The following WDR7 variants were observed in gnomAD, a reference collection of about 807,000 sequenced individuals.
The protein encoded by WDR7 is WD repeat-containing protein 7.
WDR7 carries 46 observed loss-of-function variants against 169.4 expected under a neutral mutation model. The ratio of observed to expected loss-of-function variants is 0.27; its 90% CI spans 0.21 to 0.35. The LOEUF (loss-of-function observed/expected upper bound fraction) is 0.35. Ranked by LOEUF, WDR7 falls within the 10% of genes least tolerant of loss-of-function variation. The probability of loss-of-function intolerance (pLI) is 1.00; values close to 1 mark genes in which losing one functional copy is unlikely to be tolerated. For synonymous variants in WDR7, 612 were observed against 666.8 expected, an observed-to-expected ratio of 0.92 and a Z score of 1.27; for missense variants, 1,534 against 1,859.3, an observed-to-expected ratio of 0.83 and a Z score of 3.22.
At chr18:56,740,238 C>CTA (rs1472268074) in intron 14 of WDR7, among the ~76,000 whole-genome samples, 1 of 151,896 alleles carries the variant, frequency 6.6e-6, no homozygotes, top group East Asian at 1.9e-4. Context: ...TCTAGGCTAC[C>CTA]TACTTGATCC....
At chr18:56,695,279 T>A in intron 11 of WDR7, 81 bp downstream of exon 11, 1 of 1,528,350 alleles carries the variant, frequency 6.5e-7, no homozygotes, top group South Asian at 1.3e-5. Context: ...TTTTTGTTTT[T>A]AAATAAATAC....
At chr18:56,927,612 T>TA (rs909093416) in intron 22 of WDR7, among the ~76,000 whole-genome samples, 138 of 151,234 alleles carry the variant, frequency 9.1e-4, no homozygotes, top group African/African-American at 3.1e-3. Flanking sequence ...ACCCGACTCT[T>TA]AAAAAAAAAT....
chr18:56,743,729 GTAGC>G (rs1454008190), intron 14 of WDR7, among the ~76,000 whole-genome samples: 1 of 152,106 alleles, frequency 6.6e-6, no homozygotes, highest in African/African-American at 2.4e-5. Flanking sequence ...AGGAAAGAGA[GTAGC>G]TAGAGGGAGA....
intron 20 of WDR7, among the ~76,000 whole-genome samples, chr18:56,867,725 C>T (rs1336151460): frequency 6.6e-6 from 1 of 151,996 alleles, no homozygotes. Flanking sequence ...TTTCCAAATC[C>T]ATAGTTGTAA....
intron 21 of WDR7, among the ~76,000 whole-genome samples, chr18:56,886,457 A>G (rs2145505216): frequency 6.6e-6 from 1 of 152,376 alleles, no homozygotes; most frequent in East Asian, 1.9e-4. Context: ...CTACCAAGCC[A>G]GCACTACAGG....
At chr18:56,829,255 G>A (rs1471010337) in intron 20 of WDR7, among the ~76,000 whole-genome samples, 2 of 141,368 alleles carry the variant, frequency 1.4e-5, no homozygotes, top group Admixed American at 7.0e-5. Flanking sequence ...GAGGCCTTCT[G>A]TAAAAAAAAA....
At chr18:56,698,837 A>T (rs574350535) in intron 12 of WDR7, among the ~76,000 whole-genome samples, 1 of 152,318 alleles carries the variant, frequency 6.6e-6, no homozygotes, top group East Asian at 1.9e-4. Flanking sequence ...ATGTATTTGC[A>T]ATTTGTAATT....
chr18:56,776,032 T>C (rs949709225), intron 16 of WDR7, among the ~76,000 whole-genome samples: 1 of 152,168 alleles, frequency 6.6e-6, no homozygotes, highest in Non-Finnish European at 1.5e-5. Flanking sequence ...TGCCATACGG[T>C]CCTTTTGCTT....
intron 26 of WDR7, among the ~76,000 whole-genome samples, chr18:57,007,385 CAT>C (rs2048076952): frequency 6.6e-6 from 1 of 152,062 alleles, no homozygotes; most frequent in South Asian, 2.1e-4. Flanking sequence ...CTTTCTAAAA[CAT>C]AATTTGTGGA....
At chr18:56,807,361 A>G (rs1405621454) in intron 19 of WDR7, among the ~76,000 whole-genome samples, 3 of 152,168 alleles carry the variant, frequency 2.0e-5, no homozygotes, top group Admixed American at 6.6e-5. Flanking sequence ...GTTGAACAAC[A>G]TAGTCTTTGG....
At position 56,757,070 on chromosome 18, in the gene WDR7, T is replaced by C; in HGVS notation, c.2477T>C (p.Met826Thr). ...LDEVCLDRLG[M>T]LKPHCTVSFG... ...GAAGTTTGCCTGGATCGCCTTGGAA[T>C]GCTGAAACCCCACTGCACCGTATCG... Residue 826 changes from methionine (M) to threonine (T), a missense_variant, in exon 15 of 28, where the codon ATG becomes ACG. Transcript: ENST00000254442. The C allele has an allele frequency of 6.2e-7, 1 of 1,614,186 alleles. No individual in the cohort carries two copies. The highest frequency in any genetic ancestry group is 8.5e-7 in the Non-Finnish European group (1 of 1,180,028).
intron 1 of WDR7, among the ~76,000 whole-genome samples, chr18:56,652,527 A>G (rs1302814286): frequency 6.6e-6 from 1 of 152,242 alleles, no homozygotes; most frequent in African/African-American, 2.4e-5. Context: ...TCGTGGCTGT[A>G]TGAAGGTCAG....
At chr18:56,844,028 A>G (rs1216167781) in intron 20 of WDR7, among the ~76,000 whole-genome samples, 3 of 151,594 alleles carry the variant, frequency 2.0e-5, no homozygotes, top group African/African-American at 7.3e-5. Flanking sequence ...ACGCCTGGCT[A>G]ATTTTTGTAT....
At chr18:56,679,141 C>T (rs1373264108) in intron 2 of WDR7, among the ~76,000 whole-genome samples, 191 bp from the exon 3 acceptor site, 2 of 152,188 alleles carry the variant, frequency 1.3e-5, no homozygotes, top group Admixed American at 6.5e-5. Context: ...GCCAGCCAGG[C>T]CTGTGTCTTT....
chr18:56,773,926 T>C (rs1397122846), intron 16 of WDR7, among the ~76,000 whole-genome samples: 1 of 144,578 alleles, frequency 6.9e-6, no homozygotes, highest in Non-Finnish European at 1.5e-5. Flanking sequence ...TCACCCACCC[T>C]CCCCATAACA....
intron 26 of WDR7, among the ~76,000 whole-genome samples, chr18:56,991,143 A>T (rs868178603): frequency 1.2e-3 from 138 of 110,666 alleles, no homozygotes; most frequent in African/African-American, 1.4e-3. Context: ...CCTTCTCCTC[A>T]TTTTTTTTTT....
intron 15 of WDR7, 30 bp downstream of exon 15, chr18:56,757,382 T>G (rs754723033): frequency 6.6e-7 from 1 of 1,506,384 alleles, no homozygotes; most frequent in South Asian, 1.4e-5. Flanking sequence ...ATTTTATTCT[T>G]AAGTTTCAAA....
At position 56,900,702 on chromosome 18, in the gene WDR7, G is replaced by A. The variant is rs560012860; in HGVS notation, c.3526+20537G>A. On this transcript the variant is annotated intron_variant, in intron 21 of 27. Coordinates refer to ENST00000254442, the MANE Select transcript of WDR7 (RefSeq NM_015285.3). ...ATGAAATTTGCCAAAGTGGCCTACCGCTGCCTGTGAGTGGAGGCAGCTTGT... is the reference window on the plus strand; with the variant it reads ...ATGAAATTTGCCAAAGTGGCCTACCACTGCCTGTGAGTGGAGGCAGCTTGT... 4.6e-5 allele frequency among the ~76,000 whole-genome samples: 7 copies of A among 152,244 alleles called. No homozygotes were observed. The South Asian group carries it at 1.2e-3, about 27-fold the overall frequency.
intron 25 of WDR7, among the ~76,000 whole-genome samples, chr18:56,942,591 A>C (rs1172585737): frequency 6.6e-6 from 1 of 152,096 alleles, no homozygotes; most frequent in Non-Finnish European, 1.5e-5. Flanking sequence ...TCAGTGTTTA[A>C]CATTGGAAGT....
Sources: gnomAD v4.1 joint callset for allele counts (sites outside exome capture counted in the v4.1 genomes callset) on GRCh38, gnomAD v4.1.1 for gene constraint, MANE v1.5 for transcripts, NCBI Gene and HGNC (gene_info 2026-07-23, HGNC 2026-07-21) for gene names.